Variants in RGS5 observed in about 807,000 individuals in gnomAD.
RGS5 encodes the protein regulator of G protein signaling 5.
In RGS5, 20 loss-of-function variants were observed where a neutral mutation model predicts 18.9. The ratio of observed to expected loss-of-function variants is 1.06; its 90% CI spans 0.74 to 1.54. The LOEUF is 1.54. Among genes scored for constraint, RGS5 ranks in the 40% most tolerant of loss-of-function variants. The pLI, the probability that RGS5 is intolerant of heterozygous loss-of-function variation, is 0.00. For missense variants in RGS5, 201 were observed against 211.8 expected, an observed-to-expected ratio of 0.95 and a Z score of 0.32; for synonymous variants, 57 against 76.2, an observed-to-expected ratio of 0.75 and a Z score of 1.31.
chr1:163,198,320 C>T (rs1162948569), intron 1 of RGS5, among the ~76,000 whole-genome samples: 1 of 152,018 alleles, frequency 6.6e-6, no homozygotes, highest in Non-Finnish European at 1.5e-5. Flanking sequence ...CACATTATAC[C>T]CTTAGCCCTT....
intron 1 of RGS5, among the ~76,000 whole-genome samples, chr1:163,208,348 A>AG (rs1491381278): frequency 7.7e-5 from 1 of 13,018 alleles, no homozygotes; most frequent in Non-Finnish European, 1.3e-4. Context: ...ACTCCGTCTC[A>AG]AAAAAAAAAA....
At chr1:163,253,778 C>A (rs1265648857) in intron 2 of RGS5, among the ~76,000 whole-genome samples, 1 of 151,372 alleles carries the variant, frequency 6.6e-6, no homozygotes, top group Non-Finnish European at 1.5e-5. Flanking sequence ...TTAGGTATAT[C>A]TCCTAAAGCT....
At chr1:163,205,911 AT>A (rs1292469928), upstream of RGS5, among the ~76,000 whole-genome samples, 1 of 152,194 alleles carries the variant, frequency 6.6e-6, no homozygotes, top group East Asian at 1.9e-4. Flanking sequence ...CTCTTGGACT[AT>A]GTGATCCATG....
At chr1:163,304,372 C>G (rs981696943) in intron 2 of RGS5, 3 of 152,234 alleles carry the variant, frequency 2.0e-5, no homozygotes, top group African/African-American at 7.2e-5. Context: ...CAGAACTTTC[C>G]TGTCCTGCTC....
Position 163,245,565 on chromosome 1 carries a change from C to G in RGS5, c.-281+60668G>C, listed in dbSNP as rs188963635. Among the ~76,000 whole-genome samples the G allele has an allele frequency of 1.1e-4, 16 of 152,320 alleles. No homozygotes were observed. The East Asian group carries it at 3.1e-3, about 29-fold the overall frequency. ...CAAGGTTTTTGTATCGCCTCATCAT[C>G]TGAAATGCCTGGCATAGTGATTATT... On this transcript the variant is annotated intron_variant, in intron 2 of 5. Transcript: ENST00000618415.
At chr1:163,218,302 C>T (rs1352977810), upstream of RGS5, among the ~76,000 whole-genome samples, 1 of 152,016 alleles carries the variant, frequency 6.6e-6, no homozygotes, top group Non-Finnish European at 1.5e-5. Context: ...AATATAGAAC[C>T]AACAAACCCA....
intron 4 of RGS5, among the ~76,000 whole-genome samples, chr1:163,149,668 C>T (rs1657296931): frequency 6.6e-6 from 1 of 152,088 alleles, no homozygotes; most frequent in Non-Finnish European, 1.5e-5. Context: ...TTCCACATGG[C>T]CATTTCTCTT....
At chr1:163,239,821 CG>C (rs57915245) in intron 2 of RGS5, among the ~76,000 whole-genome samples, 32,299 of 151,928 alleles carry the variant, frequency 0.21, 3,620 homozygotes, top group African/African-American at 0.3. Context: ...TCTATGTAGA[CG>C]TTTTTTAAAA....
chr1:163,188,657 G>A lies in RGS5; in HGVS notation c.44+14135C>T, dbSNP rs114379212. ...TTCCTGAGGGAAGAGGCAACCTGGC[G>A]AACTAGAAAAAAGTTACTGTGGCTG... On this transcript the variant is annotated intron_variant, in intron 1 of 4. Coordinates refer to ENST00000313961, the MANE Select transcript of RGS5 (RefSeq NM_003617.4). Among the ~76,000 whole-genome samples the A allele has an allele frequency of 7.3e-3, 1,116 of 152,114 alleles. 12 individuals carry two copies. The highest frequency in any genetic ancestry group is 0.022 in the African/African-American group (897 of 41,502).
intron 2 of RGS5, among the ~76,000 whole-genome samples, chr1:163,263,962 G>A (rs977131807): frequency 2.0e-5 from 3 of 151,832 alleles, no homozygotes; most frequent in African/African-American, 7.3e-5. Flanking sequence ...GTATGGCTGA[G>A]GGTTGGTTCT....
At chr1:163,264,835 C>T (rs1049115689) in intron 2 of RGS5, among the ~76,000 whole-genome samples, 2 of 152,048 alleles carry the variant, frequency 1.3e-5, no homozygotes, top group African/African-American at 4.8e-5. Flanking sequence ...CATCACTCTC[C>T]TGATGACTTC....
At chr1:163,201,246 T>C (rs998327454) in intron 1 of RGS5, among the ~76,000 whole-genome samples, 3 of 152,164 alleles carry the variant, frequency 2.0e-5, no homozygotes, top group Admixed American at 6.5e-5. Flanking sequence ...GAAATAATTA[T>C]ACATTGTCCC....
intron 2 of RGS5, among the ~76,000 whole-genome samples, chr1:163,290,854 C>G (rs1308759614): frequency 6.6e-6 from 1 of 151,936 alleles, no homozygotes; most frequent in African/African-American, 2.4e-5. Flanking sequence ...CAATCCTAAA[C>G]TTGGTGGTTA....
intron 1 of RGS5, chr1:163,319,427 G>A (rs1650125694): frequency 6.6e-6 from 1 of 152,240 alleles, no homozygotes; most frequent in Non-Finnish European, 1.5e-5. Context: ...AGGAATTTAG[G>A]TTGGGAAGAG....
intron 2 of RGS5, among the ~76,000 whole-genome samples, chr1:163,274,976 C>T (rs1460674904): frequency 1.3e-5 from 2 of 152,058 alleles, no homozygotes; most frequent in Admixed American, 6.6e-5. Context: ...GTTAGCGGGG[C>T]ATGGTAGTGC....
upstream of RGS5, chr1:163,202,929 C>T: frequency 8.4e-7 from 1 of 1,189,292 alleles, no homozygotes; most frequent in Non-Finnish European, 1.2e-6. Context: ...GATGCCTTTC[C>T]TCCTGAGGTA....
intron 2 of RGS5, among the ~76,000 whole-genome samples, chr1:163,245,841 G>A (rs144348454): frequency 1.1e-4 from 16 of 152,288 alleles, no homozygotes; most frequent in Non-Finnish European, 1.5e-4. Context: ...TAAAGTTGAG[G>A]TATAATAATC....
chr1:163,173,631 A>G (rs891411705), intron 1 of RGS5, among the ~76,000 whole-genome samples: 6 of 152,252 alleles, frequency 3.9e-5, no homozygotes, highest in Non-Finnish European at 8.8e-5. Context: ...AGAACCAATT[A>G]TATATAAAAT....
At position 163,243,813 on chromosome 1, in the gene RGS5, AACACAC is replaced by A. The variant is rs140181467; in HGVS notation, c.-281+62414_-281+62419del. 2.7e-5 allele frequency among the ~76,000 whole-genome samples: 4 copies of A among 150,118 alleles called. No individual in the cohort carries two copies. The East Asian group carries it at 7.8e-4, about 29-fold the overall frequency. The stretch of plus-strand genomic sequence containing the variant: ...AGGAGGCATTTACACACATTCACAC[AACACAC>A]ACACACACACATACACACATTGGTT... On this transcript the variant is annotated intron_variant, in intron 2 of 5. Transcript: ENST00000618415.
Sources: allele counts gnomAD v4.1 joint callset (sites outside exome capture counted in the v4.1 genomes callset), GRCh38; gene constraint gnomAD v4.1.1; transcripts MANE v1.5; gene names NCBI Gene and HGNC (gene_info 2026-07-23, HGNC 2026-07-21).